Variants in RB1 observed in about 807,000 individuals in gnomAD.
RB1 encodes the protein RB transcriptional corepressor 1.
A neutral mutation model predicts 135.4 loss-of-function variants in RB1; 18 were observed. That is an observed-to-expected ratio of 0.13 (90% CI 0.09 to 0.20). The LOEUF (loss-of-function observed/expected upper bound fraction) is 0.20. RB1 is among the 10% of genes least tolerant of loss of function. RB1 has a pLI of 1.00. For synonymous variants in RB1, 365 were observed against 373.2 expected (o/e 0.98, Z 0.25); for missense variants, 868 against 1,110.0 (o/e 0.78, Z 3.10).
At chr13:48,438,040 A>G (rs913726489) in intron 17 of RB1, among the ~76,000 whole-genome samples, 2 of 152,186 alleles carry the variant, frequency 1.3e-5, no homozygotes, top group African/African-American at 2.4e-5. Context: ...CCAAGTGTCC[A>G]TTATATGCTT....
chr13:48,406,110 G>GTGTGTA (rs1402985514), intron 17 of RB1, among the ~76,000 whole-genome samples: 10 of 151,792 alleles, frequency 6.6e-5, no homozygotes, highest in Admixed American at 1.3e-4. Context: ...GTGTGTGTGT[G>GTGTGTA]TGTATGTATG....
At chr13:48,311,029 A>G (rs1457743907) in intron 2 of RB1, among the ~76,000 whole-genome samples, 1 of 152,116 alleles carries the variant, frequency 6.6e-6, no homozygotes, top group African/African-American at 2.4e-5. Flanking sequence ...TACTTTCTGC[A>G]TCTTGATTGG....
At chr13:48,307,019 C>T (rs1296358995) in intron 1 of RB1, among the ~76,000 whole-genome samples, 1 of 152,146 alleles carries the variant, frequency 6.6e-6, no homozygotes, top group African/African-American at 2.4e-5. Flanking sequence ...AAGTGTTTTG[C>T]TGCTTTGAAG....
At chr13:48,316,967 G>A (rs1222313353) in intron 2 of RB1, 35 of 398,200 alleles carry the variant, frequency 8.8e-5, no homozygotes, top group Non-Finnish European at 9.4e-6. Flanking sequence ...GGTCCTGGTC[G>A]TCCCTATCGA....
intron 20 of RB1, 41 bp from the exon 21 acceptor site, chr13:48,463,690 T>C (rs373902206): frequency 2.6e-6 from 3 of 1,166,450 alleles, no homozygotes; most frequent in African/African-American, 3.0e-5. Flanking sequence ...CAAAACCATG[T>C]AATAAAATTC....
chr13:48,358,361 G>C (rs1394942826), intron 6 of RB1, among the ~76,000 whole-genome samples: 1 of 151,986 alleles, frequency 6.6e-6, no homozygotes, highest in Non-Finnish European at 1.5e-5. Context: ...TGTTTTCTCT[G>C]ATTTAATGTG....
chr13:48,349,586 A>C (rs971491785), intron 6 of RB1, among the ~76,000 whole-genome samples: 1 of 152,032 alleles, frequency 6.6e-6, no homozygotes, highest in Non-Finnish European at 1.5e-5. Flanking sequence ...CATCAGAGAA[A>C]ACTACTTTCA....
chr13:48,401,879 T>G (rs1948695168), intron 17 of RB1, among the ~76,000 whole-genome samples: 1 of 152,206 alleles, frequency 6.6e-6, no homozygotes. Context: ...TTGATTATAT[T>G]CCTTAAGAAT....
chr13:48,313,145 T>A (rs1952145773), intron 2 of RB1, among the ~76,000 whole-genome samples: 1 of 152,204 alleles, frequency 6.6e-6, no homozygotes, highest in Admixed American at 6.5e-5. Flanking sequence ...ATGAATATGA[T>A]AGTATTCATA....
At chr13:48,380,992 G>A (rs1266940153) in intron 16 of RB1, among the ~76,000 whole-genome samples, 1 of 152,120 alleles carries the variant, frequency 6.6e-6, no homozygotes, top group Non-Finnish European at 1.5e-5. Flanking sequence ...CCTGATATAA[G>A]TTTAGGGTAT....
chr13:48,436,077 A>G (rs1949180565), intron 17 of RB1, among the ~76,000 whole-genome samples: 1 of 152,206 alleles, frequency 6.6e-6, no homozygotes, highest in Non-Finnish European at 1.5e-5. Context: ...TCCTGGATGG[A>G]ACTGAGGTTA....
At chr13:48,479,977 A>T (rs1427600067) in intron 26 of RB1, 21 bp from the exon 27 acceptor site, 1 of 1,605,436 alleles carries the variant, frequency 6.2e-7, no homozygotes, top group South Asian at 1.1e-5. Flanking sequence ...TGCTGTTAAC[A>T]GTTCTTCATC....
intron 21 of RB1, 54 bp downstream of exon 21, chr13:48,463,889 C>T (rs552610618): frequency 1.9e-6 from 2 of 1,039,144 alleles, no homozygotes; most frequent in East Asian, 2.4e-5. Flanking sequence ...CATAACATAA[C>T]ATAGGTAATT....
chr13:48,414,770 A>G (rs1279515716), intron 17 of RB1, among the ~76,000 whole-genome samples: 2 of 152,220 alleles, frequency 1.3e-5, no homozygotes, highest in Non-Finnish European at 2.9e-5. Context: ...AAATTCATCT[A>G]TTATCAAATG....
intron 6 of RB1, among the ~76,000 whole-genome samples, chr13:48,352,437 T>A (rs370457221): frequency 6.6e-6 from 1 of 152,146 alleles, no homozygotes; most frequent in African/African-American, 2.4e-5. Context: ...AATCTGTAAT[T>A]TTTTTGGGGC....
intron 17 of RB1, among the ~76,000 whole-genome samples, chr13:48,430,212 C>G (rs563607843): frequency 2.2e-3 from 334 of 152,164 alleles, no homozygotes; most frequent in African/African-American, 7.7e-3. Context: ...TAATCCCATA[C>G]CCAGGGGAAT....
Position 48,450,092 on chromosome 13 carries a change from A to AT in RB1, c.1696-2900dup, listed in dbSNP as rs1262682596. Among the ~76,000 whole-genome samples, 840 of 113,552 alleles carry AT rather than the reference A, an allele frequency of 7.4e-3. 7 individuals are homozygous for AT. The highest frequency in any genetic ancestry group is 0.026 in the African/African-American group (574 of 22,208). 74.5% of individuals were successfully genotyped at this position (113,552 alleles called of 152,430 possible). ...GTCTGTGCACTCTGATGATATATAT[A>AT]TATTTTTTTTTTTTTGCTGTGCAGA... On this transcript the variant is annotated intron_variant, in intron 17 of 26. Coordinates refer to ENST00000267163, the MANE Select transcript of RB1 (RefSeq NM_000321.3).
intron 17 of RB1, among the ~76,000 whole-genome samples, chr13:48,385,495 G>A (rs1948564960): frequency 6.6e-6 from 1 of 152,198 alleles, no homozygotes; most frequent in Non-Finnish European, 1.5e-5. Context: ...TATAGGGAAG[G>A]ACAGTAAGGT....
intron 24 of RB1, chr13:48,476,416 G>A (rs1949504242): frequency 3.1e-5 from 12 of 383,184 alleles, no homozygotes; most frequent in South Asian, 3.0e-4. Flanking sequence ...TGAAAATGAG[G>A]AACCAGGACT....
Sources: allele counts gnomAD v4.1 joint callset (sites outside exome capture counted in the v4.1 genomes callset), GRCh38; gene constraint gnomAD v4.1.1; transcripts MANE v1.5; gene names NCBI Gene and HGNC (gene_info 2026-07-23, HGNC 2026-07-21).